Variants in PNPLA2 observed in about 807,000 individuals in gnomAD.
The protein encoded by PNPLA2 is patatin like domain 2, triacylglycerol lipase.
In PNPLA2, 28 loss-of-function variants were observed where a neutral mutation model predicts 39.7. The ratio of observed to expected loss-of-function variants is 0.70; its 90% CI spans 0.52 to 0.97. The LOEUF is 0.97. Ranked by LOEUF, PNPLA2 falls within the 50% of genes least tolerant of loss-of-function variation. PNPLA2 has a pLI of 0.00. For missense variants in PNPLA2, 768 were observed against 698.2 expected (o/e 1.10, Z -1.13); for synonymous variants, 392 against 321.1 (o/e 1.22, Z -2.36).
chr11:821,907 G>A (rs1420047557), intron 3 of PNPLA2, 47 bp downstream of exon 3: 1 of 1,610,708 alleles, frequency 6.2e-7, no homozygotes, highest in South Asian at 1.1e-5. Flanking sequence ...GGGGGCAGTG[G>A]GAACCTCAAG....
intron 4 of PNPLA2, 163 bp downstream of exon 4, chr11:822,186 T>C (rs1845689074): frequency 1.3e-6 from 1 of 769,062 alleles, no homozygotes; most frequent in African/African-American, 1.7e-5. Context: ...GCACGCTTCC[T>C]GGCCCCCCAT....
At position 823,464 on chromosome 11, in the gene PNPLA2, G is replaced by T. The variant is rs1845734696; in HGVS notation, c.697-63G>T. The T allele has an allele frequency of 2.7e-6, 4 of 1,485,976 alleles. No individual in the cohort carries two copies. The South Asian group carries it at 4.8e-5, about 18-fold the overall frequency. 92.0% of individuals were successfully genotyped at this position (1,485,976 alleles called of 1,614,324 possible). Reference sequence around the variant, plus strand: ...GGAGGTGGCTGTTGGGGGTGCCAGGGATTCCAGGGGCAGAACGGGCATCCC... The same window carrying T: ...GGAGGTGGCTGTTGGGGGTGCCAGGTATTCCAGGGGCAGAACGGGCATCCC... On this transcript the variant is annotated intron_variant, in intron 5 of 9. Coordinates refer to ENST00000336615, the MANE Select transcript of PNPLA2 (RefSeq NM_020376.4).
chr11:822,496 C>T lies in PNPLA2; in HGVS notation c.586C>T (p.Gln196Ter), dbSNP rs762693358. 1 of 1,613,846 alleles carries T rather than the reference C, an allele frequency of 6.2e-7. No homozygotes were observed. The highest frequency in any genetic ancestry group is 8.5e-7 in the Non-Finnish European group (1 of 1,179,784). The change falls in exon 5 of 10, where the codon CAG becomes TAG. Residue 196 changes from glutamine (Q) to a stop codon, truncating the protein, a stop_gained. Transcript: ENST00000336615. LOFTEE classifies it high-confidence loss of function. ...CTCGGGCGAGAGTGACATCTGTCCG[C>T]AGGACAGCTCCACCAACATCCACGA... ...PFSGESDICP[Q>*]DSSTNIHELR...
chr11:824,674 C>G lies in PNPLA2; in HGVS notation c.1327C>G (p.Leu443Val), dbSNP rs182948893. The G allele has an allele frequency of 3.6e-4, 578 of 1,597,054 alleles. 3 individuals carry two copies. In the African/African-American group the frequency reaches 7.1e-3, roughly 20 times the overall value. The change falls in exon 10 of 10, where the codon CTG (leucine) becomes GTG (valine). Residue 443 changes from leucine to valine, a missense_variant. Leu to Val is a conservative substitution (Grantham distance 32). Transcript: ENST00000336615. ...LAKWEECQRQ[L>V]LLGLFCTNVA... Reference sequence around the variant, plus strand: ...CAAGTGGGAGGAGTGCCAGCGCCAGCTGCTGCTCGGCCTCTTCTGCACCAA... The same window carrying G: ...CAAGTGGGAGGAGTGCCAGCGCCAGGTGCTGCTCGGCCTCTTCTGCACCAA...
intron 8 of PNPLA2, 78 bp downstream of exon 8, chr11:824,208 AGGTGG>A: frequency 3.2e-6 from 5 of 1,548,144 alleles, no homozygotes; most frequent in African/African-American, 1.4e-5. Context: ...TTACCAGGGA[AGGTGG>A]GGTGGGGTGA....
chr11:819,289 G>C (rs1236844177), intron 1 of PNPLA2: 11 of 378,470 alleles, frequency 2.9e-5, no homozygotes, highest in Non-Finnish European at 3.6e-5. Flanking sequence ...CGGTACCCAG[G>C]TCTGTGTGAG....
intron 7 of PNPLA2, 23 bp downstream of exon 7, chr11:823,878 G>A (rs770478004): frequency 6.4e-7 from 1 of 1,564,830 alleles, no homozygotes; most frequent in African/African-American, 1.4e-5. Flanking sequence ...GGGACGGGAG[G>A]GGAGGAGGGG....
rs773805355 is a variant in PNPLA2, at chr11:824,695, A to G, written c.1348A>G (p.Thr450Ala). Reference protein sequence around the residue: ...QRQLLLGLFCTNVAFPPEALR... With the variant: ...QRQLLLGLFCANVAFPPEALR... ...CCAGCTGCTGCTCGGCCTCTTCTGCACCAACGTGGCCTTCCCGCCCGAAGC... is the reference window on the plus strand; with the variant it reads ...CCAGCTGCTGCTCGGCCTCTTCTGCGCCAACGTGGCCTTCCCGCCCGAAGC... Residue 450 changes from threonine (T) to alanine (A), a missense_variant, in exon 10 of 10, where the codon ACC becomes GCC. Physicochemically the swap from Thr to Ala is moderately conservative, Grantham distance 58. Transcript: ENST00000336615. 1 of 1,595,040 alleles carries G rather than the reference A, an allele frequency of 6.3e-7. No individual in the cohort carries two copies. The highest frequency in any genetic ancestry group is 8.5e-7 in the Non-Finnish European group (1 of 1,177,434).
chr11:822,678 T>A, intron 5 of PNPLA2, 72 bp downstream of exon 5: 1 of 1,287,532 alleles, frequency 7.8e-7, no homozygotes, highest in South Asian at 1.2e-5. Flanking sequence ...ACACTGATCC[T>A]TTGACTTCTG....
In PNPLA2 at chr11:819,640, C is replaced by G; in HGVS notation, c.-79C>G. On this transcript the variant is annotated 5_prime_UTR_variant, in exon 2 of 10. Coordinates refer to ENST00000336615, the MANE Select transcript of PNPLA2 (RefSeq NM_020376.4). Reference sequence around the variant, plus strand: ...AGCGGGACCTGCCCGGCCCCCGGCTCCAGCGAGCGAGCGGCGAGCAGGCGG... The same window carrying G: ...AGCGGGACCTGCCCGGCCCCCGGCTGCAGCGAGCGAGCGGCGAGCAGGCGG... 3 of 1,377,844 alleles carry G rather than the reference C, an allele frequency of 2.2e-6. No homozygotes were observed. Among genetic ancestry groups the G allele is most frequent in the Non-Finnish European group, 1.9e-6 (2 of 1,054,206 alleles). 85.4% of individuals were successfully genotyped at this position (1,377,844 alleles called of 1,614,324 possible). A position where few individuals can be genotyped will look rare whatever the true frequency, so the allele number is the denominator to read the frequency against.
chr11:823,682 CCCCAACCCCAGGCCTCCTGAACCGG>C lies in PNPLA2; in HGVS notation c.758-2_780del. 2 of 1,605,124 alleles carry C rather than the reference CCCCAACCCCAGGCCTCCTGAACCGG, an allele frequency of 1.2e-6. No individual in the cohort carries two copies. Among genetic ancestry groups the C allele is most frequent in the Non-Finnish European group, 1.7e-6 (2 of 1,176,406 alleles). On this transcript the variant is annotated splice_acceptor_variant and splice_polypyrimidine_tract_variant and coding_sequence_variant and intron_variant, in exon 7 of 10. Coordinates refer to ENST00000336615, the MANE Select transcript of PNPLA2 (RefSeq NM_020376.4). LOFTEE classifies it high-confidence loss of function. ...CTGATGAACTGAGAATCCCTTCTCT[CCCCAACCCCAGGCCTCCTGAACCGG>C]CCCAACCCCTTGCTGGCGTTGCCCC...
chr11:819,568 G>A lies in PNPLA2; in HGVS notation c.-145-6G>A. The A allele has an allele frequency of 7.7e-7, 1 of 1,290,768 alleles. No homozygotes were observed. Among genetic ancestry groups the A allele is most frequent in the Non-Finnish European group, 9.8e-7 (1 of 1,016,470 alleles). 80.0% of individuals were successfully genotyped at this position (1,290,768 alleles called of 1,614,324 possible). On this transcript the variant is annotated splice_polypyrimidine_tract_variant and splice_region_variant and intron_variant, in intron 1 of 9. Transcript: ENST00000336615. ...TAAAAGCGCCGCCTCCGCGCCGCCC[G>A]CGTAGCTTCTTCGCCTCCGCCAGCG...
Position 823,784 on chromosome 11 carries a change from A to G in PNPLA2, c.848A>G (p.Gln283Arg). ...EDKDQAVESA[Q>R]AEDYSQLPGE... Reference sequence around the variant, plus strand: ...AAGGACCAGGCAGTGGAGAGCGCCCAAGCGGAGGATTACTCGCAGCTGCCC... The same window carrying G: ...AAGGACCAGGCAGTGGAGAGCGCCCGAGCGGAGGATTACTCGCAGCTGCCC... The change falls in exon 7 of 10, where the codon CAA (glutamine) becomes CGA (arginine). Residue 283 changes from glutamine (Q) to arginine (R), a missense_variant. Coordinates refer to ENST00000336615, the MANE Select transcript of PNPLA2 (RefSeq NM_020376.4). The G allele has an allele frequency of 6.7e-7, 1 of 1,496,748 alleles. No individual in the cohort carries two copies. Among genetic ancestry groups the G allele is most frequent in the Non-Finnish European group, 9.0e-7 (1 of 1,109,578 alleles). The allele number at this position is 1,496,748 out of a possible 1,614,324, so 92.7% of individuals were successfully genotyped here.
chr11:822,627 T>C (rs1326939980), intron 5 of PNPLA2, 21 bp downstream of exon 5: 1 of 1,590,828 alleles, frequency 6.3e-7, no homozygotes, highest in Non-Finnish European at 8.6e-7. Context: ...CTCCGAGGAC[T>C]GTGGCCTTCC....
In PNPLA2 at chr11:824,784, C is replaced by G; in HGVS notation, c.1437C>G (p.His479Gln). Residue 479 changes from histidine to glutamine, a missense_variant, in exon 10 of 10, where the codon CAC becomes CAG. Coordinates refer to ENST00000336615, the MANE Select transcript of PNPLA2 (RefSeq NM_020376.4). ...CCGCGGACCCAGCATCCCCGCAGCA[C>G]CAGCTGGCCGGGCCTGCCCCCTTGC... Reference protein sequence around the residue: ...PAPADPASPQHQLAGPAPLLS... With the variant: ...PAPADPASPQQQLAGPAPLLS... 6.5e-7 allele frequency: 1 copy of G among 1,537,212 alleles called. No homozygotes were observed. The highest frequency in any genetic ancestry group is 8.7e-7 in the Non-Finnish European group (1 of 1,147,470).
intron 7 of PNPLA2, 58 bp from the exon 8 acceptor site, chr11:823,940 C>T (rs1386946684): frequency 4.5e-6 from 7 of 1,546,946 alleles, no homozygotes; most frequent in Middle Eastern, 1.7e-4. Flanking sequence ...GGAGGGAAGC[C>T]GAGCGGGTCC....
At position 825,068 on chromosome 11, in the gene PNPLA2, C is replaced by T. The variant is rs915962737; in HGVS notation, c.*206C>T. On this transcript the variant is annotated 3_prime_UTR_variant, in exon 10 of 10. Coordinates refer to ENST00000336615, the MANE Select transcript of PNPLA2 (RefSeq NM_020376.4). ...GCGCACCTGTGCCTTAATCTTCCCTCCCCTGTGCTGCCCGAGCACCTCCCC... is the reference window on the plus strand; with the variant it reads ...GCGCACCTGTGCCTTAATCTTCCCTTCCCTGTGCTGCCCGAGCACCTCCCC... 36 of 607,318 alleles carry T rather than the reference C, an allele frequency of 5.9e-5. No homozygotes were observed. Among genetic ancestry groups the T allele is most frequent in the African/African-American group, 5.8e-4 (31 of 53,160 alleles). The allele number at this position is 607,318 out of a possible 1,614,324, so 37.6% of individuals were successfully genotyped here. A position where few individuals can be genotyped will look rare whatever the true frequency, so the allele number is the denominator to read the frequency against.
At chr11:822,689 A>G in intron 5 of PNPLA2, 83 bp downstream of exon 5, 1 of 1,202,482 alleles carries the variant, frequency 8.3e-7, no homozygotes, top group Non-Finnish European at 1.2e-6. Flanking sequence ...TTGACTTCTG[A>G]GTGCCCAGGG....
At position 821,875 on chromosome 11, in the gene PNPLA2, A is replaced by AAC. The variant is rs746007147; in HGVS notation, c.420+15_420+16insAC. On this transcript the variant is annotated intron_variant, in intron 3 of 9. Coordinates refer to ENST00000336615, the MANE Select transcript of PNPLA2 (RefSeq NM_020376.4). ...AGCTCATCCAGGTGGGGCCTGGTGGAGCCATGCTGGGTGGCGGTGGGGGGG... is the reference window on the plus strand; with the variant it reads ...AGCTCATCCAGGTGGGGCCTGGTGGAACGCCATGCTGGGTGGCGGTGGGGGGG... The AAC allele has an allele frequency of 1.2e-6, 2 of 1,611,786 alleles. No homozygotes were observed. Among genetic ancestry groups the AAC allele is most frequent in the South Asian group, 2.2e-5 (2 of 91,052 alleles).
Sources: gnomAD v4.1 joint callset for allele counts on GRCh38, gnomAD v4.1.1 for gene constraint, MANE v1.5 for transcripts, NCBI Gene and HGNC (gene_info 2026-07-23, HGNC 2026-07-21) for gene names.